Variants in GRM5 observed in about 807,000 individuals in gnomAD.
GRM5 encodes the protein glutamate metabotropic receptor 5.
GRM5 carries 19 observed loss-of-function variants against 83.1 expected under a neutral mutation model. That is an observed-to-expected ratio of 0.23 (90% CI 0.16 to 0.34). The LOEUF (loss-of-function observed/expected upper bound fraction) is 0.34. Among genes scored for constraint, GRM5 ranks in the 10% least tolerant of loss-of-function variants. The pLI is 1.00. For missense variants in GRM5, 1,160 were observed against 1,588.3 expected, an observed-to-expected ratio of 0.73 and a Z score of 4.58; for synonymous variants, 675 against 633.6, an observed-to-expected ratio of 1.07 and a Z score of -0.98.
chr11:88,617,995 A>G (rs1159738180), intron 4 of GRM5, among the ~76,000 whole-genome samples: 1 of 152,214 alleles, frequency 6.6e-6, no homozygotes, highest in Non-Finnish European at 1.5e-5. Context: ...TTGTACAGGC[A>G]TTGATTTGAC....
chr11:88,894,936 A>G (rs1332250973), intron 2 of GRM5, among the ~76,000 whole-genome samples: 1 of 151,930 alleles, frequency 6.6e-6, no homozygotes, highest in African/African-American at 2.4e-5. Flanking sequence ...TTGATCTTGG[A>G]CTTCCCAGCC....
intron 2 of GRM5, among the ~76,000 whole-genome samples, chr11:88,916,773 A>AAGAAT: frequency 6.6e-6 from 1 of 150,974 alleles, no homozygotes; most frequent in Non-Finnish European, 1.5e-5. Context: ...AAAGAGAGAG[A>AAGAAT]AAAGAGAACT....
intron 2 of GRM5, chr11:88,911,860 T>C (rs1945505218): frequency 2.7e-6 from 1 of 363,730 alleles, no homozygotes; most frequent in African/African-American, 2.2e-5. Context: ...TGCACAGTTT[T>C]ATTTGGGAAG....
chr11:88,755,864 G>C (rs1198868901), intron 3 of GRM5, among the ~76,000 whole-genome samples: 1 of 152,120 alleles, frequency 6.6e-6, no homozygotes, highest in African/African-American at 2.4e-5. Flanking sequence ...AGTCACACAG[G>C]AAATGGATGC....
At chr11:88,994,344 A>T (rs1367666804) in intron 2 of GRM5, among the ~76,000 whole-genome samples, 2 of 151,500 alleles carry the variant, frequency 1.3e-5, no homozygotes, top group Non-Finnish European at 2.9e-5. Context: ...CCCTATCAAA[A>T]TTCCAATAGC....
At chr11:88,727,942 C>T (rs1941719293) in intron 3 of GRM5, among the ~76,000 whole-genome samples, 1 of 152,042 alleles carries the variant, frequency 6.6e-6, no homozygotes, top group Non-Finnish European at 1.5e-5. Context: ...CTAAAATCAA[C>T]ACATTAACAT....
chr11:88,744,029 A>C (rs930959940), intron 3 of GRM5, among the ~76,000 whole-genome samples: 2 of 152,174 alleles, frequency 1.3e-5, no homozygotes, highest in Admixed American at 1.3e-4. Flanking sequence ...AGATTTGTGA[A>C]GTTAATGTAA....
Position 88,604,712 on chromosome 11 carries a change from C to T in GRM5, c.1394+6G>A. On this transcript the variant is annotated splice_donor_region_variant and intron_variant, in intron 5 of 9. Transcript: ENST00000305447. ...TACTCTGCAGAGGAGAATTGTAACA[C>T]AATACCTTCCTGGAGAGTCTCCATT... is the stretch of plus-strand genomic sequence containing the variant. The T allele has an allele frequency of 1.9e-6, 3 of 1,608,442 alleles. No homozygotes were observed. Among genetic ancestry groups the T allele is most frequent in the Non-Finnish European group, 2.6e-6 (3 of 1,175,092 alleles).
At chr11:88,811,797 A>G (rs1943593162) in intron 3 of GRM5, among the ~76,000 whole-genome samples, 1 of 151,448 alleles carries the variant, frequency 6.6e-6, no homozygotes, top group South Asian at 2.1e-4. Flanking sequence ...CTCCAATCAC[A>G]CCCTGCCCCT....
At chr11:89,024,518 T>C (rs1348989125) in intron 2 of GRM5, among the ~76,000 whole-genome samples, 3 of 152,230 alleles carry the variant, frequency 2.0e-5, no homozygotes, top group Non-Finnish European at 4.4e-5. Flanking sequence ...AATGTAAGTT[T>C]TCAATTGAGG....
intron 7 of GRM5, among the ~76,000 whole-genome samples, chr11:88,581,230 C>T (rs1943208267): frequency 6.6e-6 from 1 of 152,170 alleles, no homozygotes; most frequent in Non-Finnish European, 1.5e-5. Flanking sequence ...TTTTTCATCA[C>T]TATATTTTAA....
chr11:88,882,837 C>A (rs560140408), intron 2 of GRM5, among the ~76,000 whole-genome samples: 3 of 152,194 alleles, frequency 2.0e-5, no homozygotes, highest in African/African-American at 7.2e-5. Flanking sequence ...ATGGGAAGGA[C>A]CCAGTGGGAG....
chr11:89,009,180 A>G lies in GRM5; in HGVS notation c.661+38032T>C, dbSNP rs1380525247. On this transcript the variant is annotated intron_variant, in intron 2 of 9. Coordinates refer to ENST00000305447, the MANE Select transcript of GRM5 (RefSeq NM_001143831.3). ...TTAATTTTAAGTGTATAAATGAATAAATTTGTTAACACAAAGGTAAGTTGA... is the reference window on the plus strand; with the variant it reads ...TTAATTTTAAGTGTATAAATGAATAGATTTGTTAACACAAAGGTAAGTTGA... The G allele has an allele frequency of 6.1e-6, 4 of 657,420 alleles. No homozygotes were observed. The African/African-American group carries it at 7.3e-5, about 12-fold the overall frequency. The allele number at this position is 657,420 out of a possible 1,614,324, so 40.7% of individuals were successfully genotyped here. A position where few individuals can be genotyped will look rare whatever the true frequency, so the allele number is the denominator to read the frequency against.
chr11:88,817,825 AG>A (rs1460795657), intron 3 of GRM5, among the ~76,000 whole-genome samples: 1 of 152,154 alleles, frequency 6.6e-6, no homozygotes, highest in Non-Finnish European at 1.5e-5. Flanking sequence ...AAATAAATTA[AG>A]TAACTTGGCT....
chr11:88,953,967 ATAT>A (rs962018493), intron 2 of GRM5, among the ~76,000 whole-genome samples: 2 of 152,196 alleles, frequency 1.3e-5, no homozygotes, highest in Non-Finnish European at 2.9e-5. Flanking sequence ...CTGAAAGAAC[ATAT>A]TATGTTTTAT....
intron 2 of GRM5, among the ~76,000 whole-genome samples, chr11:88,902,005 CA>C (rs1945321320): frequency 6.6e-6 from 1 of 152,126 alleles, no homozygotes; most frequent in African/African-American, 2.4e-5. Context: ...TCCTTTTCTA[CA>C]TTTCTTAGCA....
intron 3 of GRM5, among the ~76,000 whole-genome samples, chr11:88,703,356 G>T (rs759213015): frequency 6.8e-6 from 1 of 148,110 alleles, no homozygotes; most frequent in Non-Finnish European, 1.5e-5. Context: ...AAAGAAACTT[G>T]TCACATTGGG....
At chr11:88,649,046 C>CATAATATATAATATATATATT (rs1362653527) in intron 4 of GRM5, among the ~76,000 whole-genome samples, 3 of 144,270 alleles carry the variant, frequency 2.1e-5, no homozygotes, top group Non-Finnish European at 3.0e-5. Context: ...ACTTAATATA[C>CATAATATATAATATATATATT]ATAATATATA....
intron 2 of GRM5, among the ~76,000 whole-genome samples, chr11:88,924,049 G>T (rs952586934): frequency 6.6e-6 from 1 of 150,746 alleles, no homozygotes; most frequent in Non-Finnish European, 1.5e-5. Context: ...CACATGACAA[G>T]ATGTTTAATG....
Sources: allele counts gnomAD v4.1 joint callset (sites outside exome capture counted in the v4.1 genomes callset), GRCh38; gene constraint gnomAD v4.1.1; transcripts MANE v1.5; gene names NCBI Gene and HGNC (gene_info 2026-07-23, HGNC 2026-07-21).